The following MYT1L variants were observed in gnomAD, a reference collection of about 807,000 sequenced individuals.
The protein encoded by MYT1L is myelin transcription factor 1 like, also known as myelin transcription factor 1-like protein.
Under a neutral mutation model 126.7 loss-of-function variants are expected in MYT1L, and 12 were observed. The observed-to-expected ratio is 0.09, with a 90% CI of 0.06 to 0.15. The LOEUF is 0.15. Ranked by LOEUF, MYT1L falls within the 10% of genes least tolerant of loss-of-function variation. The pLI is 1.00. For synonymous variants in MYT1L, 541 were observed against 604.2 expected (o/e 0.90, Z 1.53); for missense variants, 979 against 1,585.2 (o/e 0.62, Z 6.49).
chr2:2,160,376 G>T (rs1048072493), intron 3 of MYT1L, among the ~76,000 whole-genome samples: 8 of 152,170 alleles, frequency 5.3e-5, no homozygotes, highest in Admixed American at 2.0e-4. Context: ...TTATATAATA[G>T]AAACCAAATG....
At chr2:1,947,428 G>C (rs2057335308) in intron 8 of MYT1L, among the ~76,000 whole-genome samples, 1 of 152,216 alleles carries the variant, frequency 6.6e-6, no homozygotes, top group South Asian at 2.1e-4. Context: ...GGAGGACAAT[G>C]TATCCGGCTA....
intron 4 of MYT1L, among the ~76,000 whole-genome samples, chr2:2,000,967 G>A (rs1338672256): frequency 1.3e-5 from 2 of 152,086 alleles, no homozygotes; most frequent in East Asian, 3.9e-4. Context: ...CAGAAGCACG[G>A]GTTTTCTCTC....
Position 1,806,048 on chromosome 2 carries a change from C to A in MYT1L, c.3172+3028G>T, listed in dbSNP as rs2035652776. Among the ~76,000 whole-genome samples, 1 of 139,620 alleles carries A rather than the reference C, an allele frequency of 7.2e-6. No homozygotes were observed. The highest frequency in any genetic ancestry group is 7.2e-5 in the Admixed American group (1 of 13,872). The allele number at this position is 139,620 out of a possible 152,430, so 91.6% of individuals were successfully genotyped here. ...TGCTGTGCCTCTGTCCCCTGAAGAG[C>A]CGCAGGAATTGGATGCTGTGCCTCT... is the stretch of plus-strand genomic sequence containing the variant. On this transcript the variant is annotated intron_variant, in intron 22 of 24. Transcript: ENST00000647738. The surrounding 1 kb of genome is among the most constrained non-coding windows in gnomAD (Gnocchi z 4.9).
chr2:2,053,254 T>TG (rs1371280573), intron 4 of MYT1L, among the ~76,000 whole-genome samples: 1 of 152,042 alleles, frequency 6.6e-6, no homozygotes. Flanking sequence ...CCAGAGAGTG[T>TG]GGGGGAGGCC....
At chr2:1,813,051 C>T (rs2036942208) in intron 21 of MYT1L, among the ~76,000 whole-genome samples, 1 of 152,182 alleles carries the variant, frequency 6.6e-6, no homozygotes, top group Non-Finnish European at 1.5e-5. Context: ...ATGATCCTCA[C>T]AAATGCAGGG....
At chr2:2,216,213 A>G (rs1476981068) in intron 2 of MYT1L, among the ~76,000 whole-genome samples, 1 of 152,190 alleles carries the variant, frequency 6.6e-6, no homozygotes, top group Non-Finnish European at 1.5e-5. Context: ...GTATTTCTTT[A>G]TAGAATGCAA....
At position 2,293,196 on chromosome 2, in the gene MYT1L, C is replaced by T. The variant is rs185553574; in HGVS notation, c.-520-8693G>A. On this transcript the variant is annotated intron_variant, in intron 1 of 24. Coordinates refer to ENST00000647738, the MANE Select transcript of MYT1L (RefSeq NM_001303052.2). The stretch of plus-strand genomic sequence containing the variant: ...CACTGGCCTCATGGGGCCTTTACTA[C>T]GGCAGCTGTGTCCATCTTCTATGTA... Among the ~76,000 whole-genome samples the T allele has an allele frequency of 4.5e-4, 69 of 152,228 alleles. No homozygotes were observed. In the East Asian group the frequency reaches 7.5e-3, roughly 17 times the overall value.
intron 21 of MYT1L, among the ~76,000 whole-genome samples, chr2:1,821,961 C>T (rs555903513): frequency 5.9e-5 from 9 of 152,328 alleles, no homozygotes; most frequent in East Asian, 1.9e-4. Context: ...GCAGGGCATC[C>T]GGGAGTCGAA....
chr2:2,070,361 G>C (rs934023655), intron 3 of MYT1L, among the ~76,000 whole-genome samples: 3 of 152,122 alleles, frequency 2.0e-5, no homozygotes, highest in African/African-American at 7.2e-5. Flanking sequence ...CTCACCCCAC[G>C]TGGAGGCTCT....
intron 2 of MYT1L, among the ~76,000 whole-genome samples, chr2:2,245,774 A>C (rs973798000): frequency 3.3e-5 from 5 of 152,114 alleles, no homozygotes; most frequent in Admixed American, 3.3e-4. Flanking sequence ...AAGGCTGTTA[A>C]TCATCCTCCT....
intron 2 of MYT1L, among the ~76,000 whole-genome samples, chr2:2,181,408 T>C (rs2091508458): frequency 6.6e-6 from 1 of 152,178 alleles, no homozygotes; most frequent in African/African-American, 2.4e-5. Context: ...GATTGCTAGC[T>C]GAACTCTCCT....
intron 5 of MYT1L, among the ~76,000 whole-genome samples, chr2:1,996,556 A>G (rs13027585): frequency 2.6e-3 from 336 of 128,062 alleles, no homozygotes; most frequent in Middle Eastern, 4.7e-3. Flanking sequence ...GCTGCACAGA[A>G]CCGAGTGTAG....
intron 2 of MYT1L, among the ~76,000 whole-genome samples, chr2:2,234,544 T>A (rs1247282919): frequency 1.3e-5 from 2 of 152,200 alleles, no homozygotes; most frequent in Non-Finnish European, 1.5e-5. Context: ...GACAAAGCAG[T>A]GTGGCGTGGA....
intron 2 of MYT1L, among the ~76,000 whole-genome samples, chr2:2,215,232 T>A (rs969417765): frequency 1.4e-4 from 22 of 152,188 alleles, no homozygotes; most frequent in Non-Finnish European, 2.2e-4. Flanking sequence ...GTAAGTTATC[T>A]AAACACAGTA....
intron 2 of MYT1L, among the ~76,000 whole-genome samples, chr2:2,193,627 C>G (rs2092686705): frequency 6.6e-6 from 1 of 152,182 alleles, no homozygotes; most frequent in Non-Finnish European, 1.5e-5. Flanking sequence ...TGGTATGCCA[C>G]TTATATCTGG....
At chr2:2,235,364 A>T (rs555305533) in intron 2 of MYT1L, among the ~76,000 whole-genome samples, 4 of 62,406 alleles carry the variant, frequency 6.4e-5, no homozygotes, top group African/African-American at 3.0e-4. Flanking sequence ...TTCCCCTTAG[A>T]GGGGTGTGTG....
intron 23 of MYT1L, among the ~76,000 whole-genome samples, chr2:1,792,793 C>T (rs1245502343): frequency 1.5e-5 from 2 of 137,332 alleles, no homozygotes; most frequent in African/African-American, 5.4e-5. Context: ...TAGCTTGAAC[C>T]CGAGAGGCGG....
intron 3 of MYT1L, among the ~76,000 whole-genome samples, chr2:2,061,057 A>G (rs2070403298): frequency 6.6e-6 from 1 of 152,202 alleles, no homozygotes; most frequent in African/African-American, 2.4e-5. Flanking sequence ...AATCAGAGAA[A>G]TAGTGATCTG....
At chr2:2,252,695 C>A (rs1002508834) in intron 2 of MYT1L, among the ~76,000 whole-genome samples, 3 of 152,180 alleles carry the variant, frequency 2.0e-5, no homozygotes, top group African/African-American at 7.2e-5. Context: ...CTGTCCCCAC[C>A]ACCAAAGACC....
Sources: gnomAD v4.1 joint callset for allele counts (sites outside exome capture counted in the v4.1 genomes callset) on GRCh38, gnomAD v4.1.1 for gene constraint, Gnocchi (gnomAD v3.1) non-coding constraint, MANE v1.5 for transcripts, NCBI Gene and HGNC (gene_info 2026-07-23, HGNC 2026-07-21) for gene names.